The following RELN variants were observed in gnomAD, a reference collection of about 807,000 sequenced individuals.
The protein encoded by RELN is reelin.
RELN carries 108 observed loss-of-function variants against 427.6 expected under a neutral mutation model. The observed-to-expected ratio is 0.25, with a 90% CI of 0.22 to 0.30. The LOEUF (loss-of-function observed/expected upper bound fraction) is 0.30, where lower values mean the gene tolerates loss of function less well. Among genes scored for constraint, RELN ranks in the 10% least tolerant of loss-of-function variants. The pLI, the probability that RELN is intolerant of heterozygous loss-of-function variation, is 1.00. For missense variants in RELN, 3,715 were observed against 4,302.8 expected (o/e 0.86, Z 3.82); for synonymous variants, 1,524 against 1,513.4 (o/e 1.01, Z -0.16).
chr7:103,962,566 C>T (rs956723495), intron 1 of RELN, among the ~76,000 whole-genome samples: 3 of 151,802 alleles, frequency 2.0e-5, no homozygotes, highest in African/African-American at 4.8e-5. Flanking sequence ...AAACACCAAG[C>T]GGAGAAGAGA....
chr7:103,486,016 G>A (rs1828427206), intron 61 of RELN, among the ~76,000 whole-genome samples, 181 bp downstream of exon 61: 1 of 151,488 alleles, frequency 6.6e-6, no homozygotes, highest in African/African-American at 2.4e-5. Context: ...ATAAATTTAA[G>A]CGAAACATAA....
chr7:103,939,399 A>G (rs1395105879), intron 1 of RELN, among the ~76,000 whole-genome samples: 1 of 152,238 alleles, frequency 6.6e-6, no homozygotes, highest in Non-Finnish European at 1.5e-5. Flanking sequence ...ACAATGAAAG[A>G]AAATCCCAAC....
At chr7:103,608,881 T>C (rs362689) in intron 22 of RELN, among the ~76,000 whole-genome samples, 16,614 of 152,136 alleles carry the variant, frequency 0.11, 986 homozygotes, top group South Asian at 0.17. Context: ...CTACATTAAA[T>C]AAGAACAATA....
intron 3 of RELN, among the ~76,000 whole-genome samples, chr7:103,797,488 C>T (rs1022287623): frequency 5.4e-4 from 82 of 152,226 alleles, no homozygotes; most frequent in African/African-American, 1.9e-3. Flanking sequence ...ATGCTTTTCA[C>T]CCAACTTTCC....
At chr7:103,768,838 G>A (rs1038284644) in intron 4 of RELN, among the ~76,000 whole-genome samples, 3 of 152,016 alleles carry the variant, frequency 2.0e-5, no homozygotes, top group Admixed American at 6.5e-5. Flanking sequence ...ATTTTCCTTC[G>A]ATTCTTGAGA....
chr7:103,646,922 T>A (rs949610913), intron 16 of RELN, among the ~76,000 whole-genome samples: 7 of 151,986 alleles, frequency 4.6e-5, no homozygotes, highest in Admixed American at 3.9e-4. Context: ...CATGATCAAG[T>A]GGGTTTCATT....
Position 103,561,720 on chromosome 7 carries a change from G to C in RELN, c.5352-11C>G. On this transcript the variant is annotated splice_polypyrimidine_tract_variant and intron_variant, in intron 35 of 64. Coordinates refer to ENST00000428762, the MANE Select transcript of RELN (RefSeq NM_005045.4). ...AAGCCCCGGTCACACCTAAGAAAGAGAGGGAGTGGAGAAAAGACATTTGTC... is the reference window on the plus strand; with the variant it reads ...AAGCCCCGGTCACACCTAAGAAAGACAGGGAGTGGAGAAAAGACATTTGTC... The C allele has an allele frequency of 1.2e-6, 2 of 1,613,900 alleles. No homozygotes were observed. Among genetic ancestry groups the C allele is most frequent in the South Asian group, 1.1e-5 (1 of 91,074 alleles).
At chr7:103,604,986 TG>T (rs1163429716) in intron 22 of RELN, among the ~76,000 whole-genome samples, 1 of 152,100 alleles carries the variant, frequency 6.6e-6, no homozygotes, top group Non-Finnish European at 1.5e-5. Context: ...CACACCAACA[TG>T]CCTGGCTAAT....
At chr7:103,590,562 C>CAATAAATA (rs3056325) in intron 27 of RELN, among the ~76,000 whole-genome samples, 415 of 36,160 alleles carry the variant, frequency 0.011, 2 homozygotes, top group African/African-American at 0.029. Flanking sequence ...TCCATCTCAA[C>CAATAAATA]AATAAATAAA....
intron 3 of RELN, among the ~76,000 whole-genome samples, chr7:103,809,620 T>C (rs1017357588): frequency 2.0e-5 from 3 of 152,080 alleles, no homozygotes; most frequent in African/African-American, 7.2e-5. Flanking sequence ...ATAAAAAACT[T>C]GGGTTTGGAA....
At chr7:103,673,178 T>C (rs2115636986) in intron 11 of RELN, among the ~76,000 whole-genome samples, 1 of 152,242 alleles carries the variant, frequency 6.6e-6, no homozygotes, top group East Asian at 1.9e-4. Context: ...ATTTACCCTG[T>C]ATTTTATTGT....
intron 4 of RELN, among the ~76,000 whole-genome samples, chr7:103,758,065 C>G (rs1410512117): frequency 6.6e-6 from 1 of 152,120 alleles, no homozygotes; most frequent in African/African-American, 2.4e-5. Context: ...ATATCCAATT[C>G]TGTTAAGAGT....
At chr7:103,623,173 T>A (rs986825915) in intron 20 of RELN, among the ~76,000 whole-genome samples, 1 of 152,240 alleles carries the variant, frequency 6.6e-6, no homozygotes, top group African/African-American at 2.4e-5. Flanking sequence ...CCACTCAATG[T>A]ATTTACCTAT....
At chr7:103,972,611 A>AT in intron 1 of RELN, among the ~76,000 whole-genome samples, 1 of 152,092 alleles carries the variant, frequency 6.6e-6, no homozygotes, top group East Asian at 1.9e-4. Flanking sequence ...TCTGTTTGGA[A>AT]TAGAGGGGCC....
chr7:103,870,345 G>GT (rs1278821293), intron 2 of RELN, among the ~76,000 whole-genome samples: 151 of 148,100 alleles, frequency 1.0e-3, no homozygotes, highest in African/African-American at 2.8e-3. Flanking sequence ...TCTGGTTTCG[G>GT]TTTTTTTTTT....
intron 12 of RELN, among the ~76,000 whole-genome samples, chr7:103,656,007 T>C (rs1833015093): frequency 6.6e-6 from 1 of 152,074 alleles, no homozygotes; most frequent in African/African-American, 2.4e-5. Context: ...AGTCTCCAAT[T>C]TGTCAGCTCT....
intron 41 of RELN, 60 bp downstream of exon 41, chr7:103,551,007 G>T: frequency 1.4e-6 from 2 of 1,393,194 alleles, no homozygotes; most frequent in Admixed American, 1.8e-5. Context: ...AGTGAACGAT[G>T]ACTTCAGGAA....
intron 28 of RELN, among the ~76,000 whole-genome samples, chr7:103,580,401 A>C (rs1418107247): frequency 6.6e-6 from 1 of 152,170 alleles, no homozygotes; most frequent in Non-Finnish European, 1.5e-5. Flanking sequence ...TCTAATGATG[A>C]ATATTTTGTC....
intron 43 of RELN, 47 bp from the exon 44 acceptor site, chr7:103,540,502 C>G (rs1830154596): frequency 6.3e-7 from 1 of 1,597,628 alleles, no homozygotes; most frequent in African/African-American, 1.3e-5. Flanking sequence ...CAAAAGAAAT[C>G]CACATGCTTA....
Sources: allele counts gnomAD v4.1 joint callset (sites outside exome capture counted in the v4.1 genomes callset), GRCh38; gene constraint gnomAD v4.1.1; transcripts MANE v1.5; gene names NCBI Gene and HGNC (gene_info 2026-07-23, HGNC 2026-07-21).